The following SLC24A2 variants were observed in gnomAD, a reference collection of about 807,000 sequenced individuals.
SLC24A2 encodes the protein solute carrier family 24 member 2, also known as sodium/potassium/calcium exchanger 2.
SLC24A2 carries 36 observed loss-of-function variants against 62.0 expected under a neutral mutation model. The observed-to-expected ratio is 0.58, with a 90% CI of 0.44 to 0.77. The LOEUF (loss-of-function observed/expected upper bound fraction) is 0.77, where lower values mean the gene tolerates loss of function less well. SLC24A2 is among the 30% of genes least tolerant of loss of function. The pLI, the probability that SLC24A2 is intolerant of heterozygous loss-of-function variation, is 0.00. For missense variants in SLC24A2, 846 were observed against 817.9 expected (o/e 1.03, Z -0.42); for synonymous variants, 358 against 294.0 (o/e 1.22, Z -2.23).
chr9:20,163,877 G>A, the SLC24A2 span, among the ~76,000 whole-genome samples: 1 of 152,120 alleles, frequency 6.6e-6, no homozygotes, highest in African/African-American at 2.4e-5. Context: ...AACAAGCAAT[G>A]GGGAAAGGAT....
At chr9:19,662,186 A>T (rs1016230336) in intron 2 of SLC24A2, among the ~76,000 whole-genome samples, 1 of 152,268 alleles carries the variant, frequency 6.6e-6, no homozygotes, top group African/African-American at 2.4e-5. Flanking sequence ...TTTTAAAGAC[A>T]TATTTAACAT....
intron 7 of SLC24A2, among the ~76,000 whole-genome samples, chr9:19,554,029 G>C (rs1834966224): frequency 2.6e-5 from 4 of 152,212 alleles, no homozygotes; most frequent in African/African-American, 9.6e-5. Context: ...TTGGAGATAG[G>C]ATCTTCAAAG....
At chr9:20,192,989 G>A in the SLC24A2 span, among the ~76,000 whole-genome samples, 3 of 152,240 alleles carry the variant, frequency 2.0e-5, no homozygotes, top group East Asian at 5.8e-4. Context: ...GAACCCCCCA[G>A]CACACAGTAT....
the SLC24A2 span, among the ~76,000 whole-genome samples, chr9:19,801,546 A>T: frequency 6.6e-6 from 1 of 152,250 alleles, no homozygotes; most frequent in Non-Finnish European, 1.5e-5. Flanking sequence ...AGGGAGGGGA[A>T]CCAAAGAGGG....
At chr9:20,145,859 A>G in the SLC24A2 span, among the ~76,000 whole-genome samples, 18 of 152,042 alleles carry the variant, frequency 1.2e-4, no homozygotes, top group South Asian at 3.5e-3. Context: ...TTTCACAAAG[A>G]TGGGATTCTG....
At chr9:19,720,837 A>ATGTGTG (rs10692458) in intron 2 of SLC24A2, among the ~76,000 whole-genome samples, 1,490 of 140,486 alleles carry the variant, frequency 0.011, 18 homozygotes, top group African/African-American at 0.026. Context: ...ATGTGGAATG[A>ATGTGTG]TGTGTGTGTG....
intron 2 of SLC24A2, among the ~76,000 whole-genome samples, chr9:19,663,950 G>A (rs769191135): frequency 3.3e-5 from 5 of 152,208 alleles, no homozygotes; most frequent in African/African-American, 2.4e-5. Context: ...ATAAGCAGGT[G>A]GATGGACGAA....
At chr9:20,201,674 A>G in the SLC24A2 span, among the ~76,000 whole-genome samples, 1 of 152,170 alleles carries the variant, frequency 6.6e-6, no homozygotes, top group Non-Finnish European at 1.5e-5. Context: ...TTTATTTTTA[A>G]TTAGCCCTTT....
the SLC24A2 span, among the ~76,000 whole-genome samples, chr9:20,188,905 G>T: frequency 6.6e-6 from 1 of 152,130 alleles, no homozygotes; most frequent in Admixed American, 6.5e-5. Context: ...TACCAAATTT[G>T]TAGTAATTTG....
chr9:19,922,443 C>T, the SLC24A2 span, among the ~76,000 whole-genome samples: 1 of 152,128 alleles, frequency 6.6e-6, no homozygotes, highest in Non-Finnish European at 1.5e-5. Flanking sequence ...TAAATTTTTT[C>T]ATGCCCAGCA....
rs528478342 is a variant in SLC24A2, at chr9:19,695,997, T to C, written c.931-73698A>G. Among the ~76,000 whole-genome samples the C allele has an allele frequency of 3.0e-3, 456 of 152,270 alleles. 1 individual carries two copies. Among genetic ancestry groups the C allele is most frequent in the African/African-American group, 0.01 (436 of 41,562 alleles). ...TGGGCTGTGGACCAGTACCAGTCTG[T>C]GGCCTGTTAAGAACCAGGCTGCACA... On this transcript the variant is annotated intron_variant, in intron 2 of 10. Coordinates refer to ENST00000341998, the MANE Select transcript of SLC24A2 (RefSeq NM_020344.4).
chr9:19,815,469 C>G, the SLC24A2 span, among the ~76,000 whole-genome samples: 1 of 152,124 alleles, frequency 6.6e-6, no homozygotes, highest in Non-Finnish European at 1.5e-5. Context: ...TAAAATTCAG[C>G]ACTTTATTAC....
the SLC24A2 span, among the ~76,000 whole-genome samples, chr9:20,161,256 T>A: frequency 0.016 from 2,403 of 151,530 alleles, 40 homozygotes; most frequent in African/African-American, 0.043. Flanking sequence ...AGCTATCTCA[T>A]CAAAATCACC....
At chr9:20,038,290 C>T in the SLC24A2 span, among the ~76,000 whole-genome samples, 1 of 152,190 alleles carries the variant, frequency 6.6e-6, no homozygotes, top group Non-Finnish European at 1.5e-5. Flanking sequence ...ACAGCCCTCA[C>T]AAGAGATGAG....
the SLC24A2 span, among the ~76,000 whole-genome samples, chr9:20,020,366 C>A: frequency 0.69 from 104,648 of 152,092 alleles, 36,214 homozygotes; most frequent in Admixed American, 0.77. Flanking sequence ...TGTGGCACAT[C>A]TACACCATGG....
chr9:20,300,944 T>C, the SLC24A2 span, among the ~76,000 whole-genome samples: 38 of 152,254 alleles, frequency 2.5e-4, no homozygotes, highest in Non-Finnish European at 3.5e-4. Flanking sequence ...CATTAAGGCA[T>C]AATCCAAGTA....
intron 2 of SLC24A2, among the ~76,000 whole-genome samples, chr9:19,686,019 T>G (rs1198983807): frequency 6.6e-6 from 1 of 151,950 alleles, no homozygotes; most frequent in Admixed American, 6.6e-5. Context: ...AAACTAAGCA[T>G]TCAACAAAGG....
At chr9:20,112,823 C>A in the SLC24A2 span, among the ~76,000 whole-genome samples, 1 of 151,914 alleles carries the variant, frequency 6.6e-6, no homozygotes, top group African/African-American at 2.4e-5. Flanking sequence ...CCTCACCAGC[C>A]ACCCCCCACC....
At chr9:19,967,426 C>T in the SLC24A2 span, 1 of 152,184 alleles carries the variant, frequency 6.6e-6, no homozygotes, top group African/African-American at 2.4e-5. Flanking sequence ...TGCCAGTGCT[C>T]TTTAGTCAGA....
Sources: gnomAD v4.1 joint callset for allele counts (sites outside exome capture counted in the v4.1 genomes callset) on GRCh38, gnomAD v4.1.1 for gene constraint, MANE v1.5 for transcripts, NCBI Gene and HGNC (gene_info 2026-07-23, HGNC 2026-07-21) for gene names.